The following DLG2 variants were observed in gnomAD, a reference collection of about 807,000 sequenced individuals.
DLG2 encodes disks large homolog 2.
In DLG2, 45 loss-of-function variants were observed where a neutral mutation model predicts 132.5. The ratio of observed to expected loss-of-function variants is 0.34; its 90% confidence interval spans 0.27 to 0.44. The LOEUF is 0.44. Ranked by LOEUF, DLG2 falls within the 20% of genes least tolerant of loss-of-function variation. The probability of loss-of-function intolerance (pLI) is 1.00; values close to 1 mark genes in which losing one functional copy is unlikely to be tolerated. For missense variants in DLG2, 1,045 were observed against 1,196.9 expected (o/e 0.87, Z 1.87); for synonymous variants, 424 against 419.6 (o/e 1.01, Z -0.13).
At chr11:85,441,158 G>A (rs1032774932) in intron 3 of DLG2, among the ~76,000 whole-genome samples, 11 of 152,236 alleles carry the variant, frequency 7.2e-5, no homozygotes, top group African/African-American at 2.2e-4. Flanking sequence ...CAAGAGCACC[G>A]AAGTATATAT....
At chr11:85,273,048 C>T (rs1475153139) in intron 4 of DLG2, among the ~76,000 whole-genome samples, 3 of 152,092 alleles carry the variant, frequency 2.0e-5, no homozygotes, top group African/African-American at 7.2e-5. Context: ...ACTGGCTAGC[C>T]ATATGTAGAA....
At chr11:84,346,623 G>C (rs762909579) in intron 7 of DLG2, among the ~76,000 whole-genome samples, 7 of 152,166 alleles carry the variant, frequency 4.6e-5, no homozygotes, top group Non-Finnish European at 8.8e-5. Flanking sequence ...GTGTCGGCAG[G>C]CTGCAGTGCA....
intron 3 of DLG2, among the ~76,000 whole-genome samples, chr11:85,422,147 T>G (rs536768697): frequency 7.5e-4 from 114 of 152,348 alleles, no homozygotes; most frequent in African/African-American, 2.6e-3. Context: ...TTAGATAACC[T>G]GATAACAATG....
chr11:85,290,540 G>T (rs1196099069), intron 3 of DLG2, among the ~76,000 whole-genome samples: 1 of 151,904 alleles, frequency 6.6e-6, no homozygotes, highest in African/African-American at 2.4e-5. Flanking sequence ...AGAAAAGTGG[G>T]GTTAAAGAGG....
chr11:83,591,910 A>C (rs2097194341), intron 19 of DLG2, among the ~76,000 whole-genome samples: 1 of 142,496 alleles, frequency 7.0e-6, no homozygotes, highest in African/African-American at 2.6e-5. Flanking sequence ...AAAGAGAATA[A>C]AATACCTAGG....
chr11:84,210,442 C>T (rs1400265927), intron 8 of DLG2, among the ~76,000 whole-genome samples: 7 of 147,660 alleles, frequency 4.7e-5, no homozygotes, highest in African/African-American at 1.2e-4. Context: ...GGCTAGATGA[C>T]GAGTTAGTGG....
intron 9 of DLG2, among the ~76,000 whole-genome samples, chr11:84,132,399 A>G (rs895377472): frequency 6.6e-6 from 1 of 152,006 alleles, no homozygotes; most frequent in African/African-American, 2.4e-5. Context: ...TACAAGAAGC[A>G]TGATAAAATA....
In DLG2 at chr11:84,307,849, T is replaced by C. The variant is rs1288875759; in HGVS notation, c.520-56558A>G. Reference sequence around the variant, plus strand: ...GTTCGTGGTCTCGCTGACTCAGGAGTGAAGCTGCGGACCTTCGCGGTGAGT... The same window carrying C: ...GTTCGTGGTCTCGCTGACTCAGGAGCGAAGCTGCGGACCTTCGCGGTGAGT... On this transcript the variant is annotated intron_variant, in intron 7 of 27. Coordinates refer to ENST00000376104, the MANE Select transcript of DLG2 (RefSeq NM_001142699.3). Among the ~76,000 whole-genome samples, 7 of 150,636 alleles carry C rather than the reference T, an allele frequency of 4.6e-5. No homozygotes were observed. In the East Asian group the frequency reaches 1.4e-3, roughly 30 times the overall value.
At chr11:84,476,239 T>C (rs2099121362) in intron 7 of DLG2, among the ~76,000 whole-genome samples, 1 of 152,122 alleles carries the variant, frequency 6.6e-6, no homozygotes, top group South Asian at 2.1e-4. Flanking sequence ...TCTCCCCAAA[T>C]GGCTTGTGTG....
intron 6 of DLG2, among the ~76,000 whole-genome samples, chr11:84,777,324 T>TATAC (rs1449220928): frequency 0.026 from 2,728 of 103,972 alleles, 50 homozygotes; most frequent in Non-Finnish European, 0.035. Flanking sequence ...TATATATATA[T>TATAC]ACGTTTTCTT....
intron 8 of DLG2, among the ~76,000 whole-genome samples, chr11:84,187,397 A>G (rs66534956): frequency 0.058 from 8,827 of 152,032 alleles, 303 homozygotes; most frequent in African/African-American, 0.077. Flanking sequence ...TTGAAATCAA[A>G]GGGCTTATAA....
intron 15 of DLG2, among the ~76,000 whole-genome samples, chr11:83,906,630 T>A (rs2075036099): frequency 6.6e-6 from 1 of 152,134 alleles, no homozygotes; most frequent in South Asian, 2.1e-4. Flanking sequence ...TGCAAAGCAC[T>A]TTATATGTGC....
intron 3 of DLG2, among the ~76,000 whole-genome samples, chr11:85,347,761 T>C (rs2082951292): frequency 6.6e-6 from 1 of 150,956 alleles, no homozygotes; most frequent in Admixed American, 6.6e-5. Context: ...ATTGACTTTT[T>C]CCCCCTATCA....
At chr11:83,536,978 C>A (rs777467980) in intron 20 of DLG2, among the ~76,000 whole-genome samples, 1 of 152,146 alleles carries the variant, frequency 6.6e-6, no homozygotes, top group Non-Finnish European at 1.5e-5. Flanking sequence ...CAAAGGCTTT[C>A]ACCTAAAGAA....
At chr11:84,325,770 T>C (rs1435289707) in intron 7 of DLG2, among the ~76,000 whole-genome samples, 1 of 152,122 alleles carries the variant, frequency 6.6e-6, no homozygotes, top group African/African-American at 2.4e-5. Context: ...ATAAAATGAG[T>C]TTTGAATTGT....
intron 14 of DLG2, among the ~76,000 whole-genome samples, chr11:83,953,573 C>T (rs1201856839): frequency 6.6e-6 from 1 of 152,102 alleles, no homozygotes; most frequent in Non-Finnish European, 1.5e-5. Context: ...GGTTAGGGAC[C>T]ACTGATATAT....
At chr11:84,817,365 G>A (rs1185557565) in intron 6 of DLG2, among the ~76,000 whole-genome samples, 6 of 151,912 alleles carry the variant, frequency 3.9e-5, no homozygotes, top group Non-Finnish European at 8.8e-5. Context: ...ACCTACCTAG[G>A]TCCTGAAAAA....
intron 6 of DLG2, among the ~76,000 whole-genome samples, chr11:84,796,271 A>G (rs1204179213): frequency 6.6e-6 from 1 of 152,180 alleles, no homozygotes; most frequent in Admixed American, 6.5e-5. Flanking sequence ...TTAAAAACTA[A>G]TAAAAAATGG....
intron 3 of DLG2, among the ~76,000 whole-genome samples, chr11:85,423,613 T>G (rs978610816): frequency 3.3e-5 from 5 of 152,020 alleles, no homozygotes; most frequent in Admixed American, 3.3e-4. Context: ...GCAGCTGCTG[T>G]GGGGGATGGG....
Sources: allele counts gnomAD v4.1 joint callset (sites outside exome capture counted in the v4.1 genomes callset), GRCh38; gene constraint gnomAD v4.1.1; transcripts MANE v1.5; gene names NCBI Gene and HGNC (gene_info 2026-07-23, HGNC 2026-07-21).